CTCF: variants seen among roughly 807,000 people sequenced by gnomAD.
The protein encoded by CTCF is CCCTC-binding factor.
A neutral mutation model predicts 72.3 loss-of-function variants in CTCF; 7 were observed. The ratio of observed to expected loss-of-function variants is 0.10; its 90% confidence interval spans 0.06 to 0.18. The LOEUF is 0.18. CTCF is among the 10% of genes least tolerant of loss of function. The pLI is 1.00. For synonymous variants in CTCF, 374 were observed against 315.8 expected (o/e 1.18, Z -1.95); for missense variants, 516 against 949.1 (o/e 0.54, Z 6.00).
chr16:67,616,658 C>A, intron 4 of CTCF, 87 bp from the exon 5 acceptor site: 1 of 1,471,208 alleles, frequency 6.8e-7, no homozygotes, highest in Non-Finnish European at 9.4e-7. Flanking sequence ...GGGTTCCAGT[C>A]TCATAGCAGT....
At chr16:67,589,813 G>A (rs1021061407) in intron 2 of CTCF, among the ~76,000 whole-genome samples, 14 of 152,204 alleles carry the variant, frequency 9.2e-5, no homozygotes, top group South Asian at 4.1e-4. Flanking sequence ...GAGCCTGGAC[G>A]CGGTGGCTCA....
chr16:67,593,007 C>CA (rs1418719514), intron 2 of CTCF, among the ~76,000 whole-genome samples: 1 of 150,410 alleles, frequency 6.6e-6, no homozygotes, highest in Non-Finnish European at 1.5e-5. Context: ...GCCTGGGTGA[C>CA]AGAGTGAAAC....
chr16:67,631,280 T>A (rs1597728751), intron 10 of CTCF, among the ~76,000 whole-genome samples: 1 of 151,782 alleles, frequency 6.6e-6, no homozygotes, highest in East Asian at 1.9e-4. Context: ...ATTTTCCTGC[T>A]CAGCTTCCCA....
chr16:67,566,515 TAAAAAAAAAA>T (rs377253111), intron 1 of CTCF, among the ~76,000 whole-genome samples: 2 of 76,274 alleles, frequency 2.6e-5, no homozygotes, highest in South Asian at 6.0e-4. Flanking sequence ...GTCTCAAAAT[TAAAAAAAAAA>T]AAAAAAAAAA....
At chr16:67,637,532 AAAAAT>A (rs986898452) in intron 11 of CTCF, among the ~76,000 whole-genome samples, 151 bp from the exon 12 acceptor site, 2 of 152,210 alleles carry the variant, frequency 1.3e-5, no homozygotes, top group Non-Finnish European at 2.9e-5. Flanking sequence ...CTCCGTCTCA[AAAAAT>A]AAAATAAAAA....
At chr16:67,629,814 G>T (rs140290761) in intron 10 of CTCF, among the ~76,000 whole-genome samples, 1 of 109,444 alleles carries the variant, frequency 9.1e-6, no homozygotes, top group Non-Finnish European at 1.7e-5. Flanking sequence ...TCGCTCTGTC[G>T]CCCAGGCTGG....
chr16:67,621,357 C>A (rs2142849149), intron 6 of CTCF, 85 bp from the exon 7 acceptor site: 3 of 963,950 alleles, frequency 3.1e-6, no homozygotes, highest in Non-Finnish European at 3.2e-6. Flanking sequence ...TGTGGTGTAG[C>A]ATATCTGCCA....
intron 9 of CTCF, 130 bp downstream of exon 9, chr16:67,628,682 G>C: frequency 1.1e-6 from 1 of 903,900 alleles, no homozygotes; most frequent in South Asian, 1.6e-5. Flanking sequence ...GAAAGGGTTA[G>C]TCATCCCCAT....
intron 2 of CTCF, among the ~76,000 whole-genome samples, chr16:67,580,732 T>C (rs2051567435): frequency 6.7e-6 from 1 of 150,180 alleles, no homozygotes; most frequent in Non-Finnish European, 1.5e-5. Context: ...CGGCTAATTT[T>C]GTACTTTTAG....
At chr16:67,625,005 A>G (rs1310506909) in intron 7 of CTCF, among the ~76,000 whole-genome samples, 1 of 152,102 alleles carries the variant, frequency 6.6e-6, no homozygotes, top group Non-Finnish European at 1.5e-5. Context: ...GCTCACTGCA[A>G]CCACCACTTC....
At chr16:67,594,535 T>C (rs2051786741) in intron 2 of CTCF, among the ~76,000 whole-genome samples, 3 of 152,086 alleles carry the variant, frequency 2.0e-5, no homozygotes, top group Admixed American at 2.0e-4. Context: ...ACTTTGTCTT[T>C]CAAAGTTTCT....
chr16:67,602,987 C>G (rs931436514), intron 2 of CTCF, among the ~76,000 whole-genome samples: 3 of 152,086 alleles, frequency 2.0e-5, no homozygotes, highest in Non-Finnish European at 4.4e-5. Flanking sequence ...GGTCCTCAGA[C>G]CATACTTTGA....
intron 1 of CTCF, among the ~76,000 whole-genome samples, chr16:67,569,497 C>CT (rs1228588594): frequency 6.6e-6 from 1 of 151,994 alleles, no homozygotes; most frequent in Non-Finnish European, 1.5e-5. Flanking sequence ...GATTTTCTTT[C>CT]TTTCTTTCTT....
chr16:67,637,902 C>A lies in CTCF; in HGVS notation c.*30C>A. On this transcript the variant is annotated 3_prime_UTR_variant, in exon 12 of 12. Transcript: ENST00000264010. Reference sequence around the variant, plus strand: ...GGAGCCTTGTGCGTCGCCAGGACTTCTCTGGGCTGTGTTTAAACGGCCCGC... The same window carrying A: ...GGAGCCTTGTGCGTCGCCAGGACTTATCTGGGCTGTGTTTAAACGGCCCGC... The A allele has an allele frequency of 6.5e-7, 1 of 1,541,110 alleles. No individual in the cohort carries two copies.
At chr16:67,599,746 G>A (rs1001440940) in intron 2 of CTCF, among the ~76,000 whole-genome samples, 45 of 152,126 alleles carry the variant, frequency 3.0e-4, no homozygotes, top group Admixed American at 1.5e-3. Flanking sequence ...ACCACAGTCC[G>A]GACGACTAAA....
chr16:67,634,357 G>A (rs1409089695), intron 10 of CTCF, among the ~76,000 whole-genome samples: 3 of 151,548 alleles, frequency 2.0e-5, no homozygotes, highest in South Asian at 2.1e-4. Flanking sequence ...ACAGGTGCCC[G>A]CCATCACAGC....
intron 5 of CTCF, among the ~76,000 whole-genome samples, chr16:67,617,513 A>T (rs760649800): frequency 2.0e-5 from 3 of 151,572 alleles, no homozygotes; most frequent in Non-Finnish European, 1.5e-5. Context: ...AAAAAATAAT[A>T]ATAAATAAAT....
chr16:67,636,710 G>A lies in CTCF; in HGVS notation c.1858G>A (p.Asp620Asn). ...SDSENAEPDL[D>N]DNEDEEEPAV... The stretch of plus-strand genomic sequence containing the variant: ...AAAAGAAAATGCTGAACCAGATCTG[G>A]ACGACAATGAGGATGAGGAGGAGCC... The change falls in exon 11 of 12, where the codon GAC becomes AAC. Residue 620 changes from aspartate (D) to asparagine (N), a missense_variant. Physicochemically the swap from Asp to Asn is conservative, Grantham distance 23 (BLOSUM62 1). This residue lies in a region of CTCF where 157 missense variants were observed against 172.9 expected (regional missense o/e 0.91). Transcript: ENST00000264010. The A allele has an allele frequency of 6.2e-7, 1 of 1,607,114 alleles. No individual in the cohort carries two copies. The highest frequency in any genetic ancestry group is 8.5e-7 in the Non-Finnish European group (1 of 1,176,594).
chr16:67,611,835 T>A lies in CTCF; in HGVS notation c.782-116T>A, dbSNP rs1186082918. 3.0e-6 allele frequency: 3 copies of A among 1,006,778 alleles called. No homozygotes were observed. In the East Asian group the frequency reaches 7.6e-5, roughly 25 times the overall value. 62.4% of individuals were successfully genotyped at this position (1,006,778 alleles called of 1,614,324 possible). On this transcript the variant is annotated intron_variant, in intron 3 of 11. Coordinates refer to ENST00000264010, the MANE Select transcript of CTCF (RefSeq NM_006565.4). ...ATTAGTGACATGAGATAATTATGAC[T>A]TATATTGGGTTTTGTTATTAAAAGC...
Sources: gnomAD v4.1 joint callset for allele counts (sites outside exome capture counted in the v4.1 genomes callset) on GRCh38, gnomAD v4.1.1 for gene constraint, gnomAD v4.1.1 regional missense constraint, MANE v1.5 for transcripts, NCBI Gene and HGNC (gene_info 2026-07-23, HGNC 2026-07-21) for gene names.